The following PP2D1 variants were observed in gnomAD, a reference collection of about 807,000 sequenced individuals.
PP2D1 encodes the protein protein phosphatase 2C like domain containing 1.
PP2D1 carries 25 observed loss-of-function variants against 30.2 expected under a neutral mutation model. The observed-to-expected ratio is 0.83, with a 90% confidence interval of 0.60 to 1.16. The LOEUF (loss-of-function observed/expected upper bound fraction) is 1.16. Among genes scored for constraint, PP2D1 ranks in the 50% most tolerant of loss-of-function variants. The probability of loss-of-function intolerance (pLI) is 0.00; values close to 1 mark genes in which losing one functional copy is unlikely to be tolerated. For synonymous variants in PP2D1, 260 were observed against 258.9 expected, an observed-to-expected ratio of 1.00 and a Z score of -0.04; for missense variants, 760 against 742.4, an observed-to-expected ratio of 1.02 and a Z score of -0.28.
intron 2 of PP2D1, among the ~76,000 whole-genome samples, chr3:19,986,671 G>A (rs918595371): frequency 1.3e-5 from 2 of 152,170 alleles, no homozygotes; most frequent in African/African-American, 2.4e-5. Flanking sequence ...GGTCATGGGT[G>A]ATGAAAAAAT....
Position 19,986,114 on chromosome 3 carries a change from TTCGTGTAGTATG to T in PP2D1, c.1147_1158del (p.His383_Arg386del), listed in dbSNP as rs1255363861. 1.3e-6 allele frequency: 2 copies of T among 1,535,822 alleles called. No individual in the cohort carries two copies. The highest frequency in any genetic ancestry group is 2.7e-5 in the African/African-American group (2 of 73,058). On this transcript the variant is annotated inframe_deletion, in exon 3 of 3. Coordinates refer to ENST00000389050, the MANE Select transcript of PP2D1 (RefSeq NM_001252657.2). ...AGTATTCTTCTTCTTTCATTTGTGTTTCGTGTAGTATGTTCTTTGGTTAGGCAAAAACCTTTC... is the reference window on the plus strand; with the variant it reads ...AGTATTCTTCTTCTTTCATTTGTGTTTTCTTTGGTTAGGCAAAAACCTTTC...
At chr3:19,985,122 TGTTTA>T (rs1697008316), downstream of PP2D1, 1 of 359,658 alleles carries the variant, frequency 2.8e-6, no homozygotes, top group Admixed American at 4.3e-5. Flanking sequence ...GGTTCACCAG[TGTTTA>T]GTTTTATATT....
chr3:20,003,197 A>G (rs1255728464), intron 1 of PP2D1, among the ~76,000 whole-genome samples: 1 of 152,242 alleles, frequency 6.6e-6, no homozygotes, highest in Admixed American at 6.5e-5. Flanking sequence ...TTATATTAAA[A>G]AAAAAATTAA....
At chr3:20,009,674 C>T (rs146072974) in intron 1 of PP2D1, among the ~76,000 whole-genome samples, 12 of 152,126 alleles carry the variant, frequency 7.9e-5, no homozygotes, top group East Asian at 3.9e-4. Context: ...CTATGATAAA[C>T]GATAAATAAT....
At chr3:20,011,464 A>ATGTT in intron 1 of PP2D1, among the ~76,000 whole-genome samples, 1 of 152,138 alleles carries the variant, frequency 6.6e-6, no homozygotes, top group Non-Finnish European at 1.5e-5. Flanking sequence ...GGCCATTCTT[A>ATGTT]GAATGTATTG....
chr3:19,999,339 A>G (rs566888761), intron 2 of PP2D1, among the ~76,000 whole-genome samples: 1 of 151,672 alleles, frequency 6.6e-6, no homozygotes, highest in Non-Finnish European at 1.5e-5. Context: ...TGGCCTCCCA[A>G]AATGCTGGTT....
intron 1 of PP2D1, among the ~76,000 whole-genome samples, chr3:20,010,620 A>C (rs1697373399): frequency 6.6e-6 from 1 of 151,820 alleles, no homozygotes; most frequent in South Asian, 2.1e-4. Context: ...TGACCGACAT[A>C]GAGAAACCCC....
chr3:20,005,788 C>T (rs1336068400), intron 1 of PP2D1, among the ~76,000 whole-genome samples: 1 of 152,032 alleles, frequency 6.6e-6, no homozygotes, highest in Non-Finnish European at 1.5e-5. Flanking sequence ...CAGAAGGATA[C>T]AAAGTAGAAA....
At position 19,985,495 on chromosome 3, in the gene PP2D1, G is replaced by A; in HGVS notation, c.1778C>T (p.Ala593Val). Reference protein sequence around the residue: ...ESDTKSFYEGAAEYVSHELVN... With the variant: ...ESDTKSFYEGVAEYVSHELVN... ...AAGTTCATGGCTAACATACTCAGCTGCGCCTTCATAGAAACTCTTAGTGTC... is the reference window on the plus strand; with the variant it reads ...AAGTTCATGGCTAACATACTCAGCTACGCCTTCATAGAAACTCTTAGTGTC... The change falls in exon 3 of 3, where the codon GCA (alanine) becomes GTA (valine). Residue 593 changes from alanine to valine, a missense_variant. Ala to Val is a moderately conservative substitution (Grantham distance 64). This residue lies in a region of PP2D1 where 369 missense variants were observed against 316.2 expected (regional missense o/e 1.17). Coordinates refer to ENST00000389050, the MANE Select transcript of PP2D1 (RefSeq NM_001252657.2). 6.5e-7 allele frequency: 1 copy of A among 1,536,064 alleles called. No homozygotes were observed. Among genetic ancestry groups the A allele is most frequent in the East Asian group, 2.4e-5 (1 of 40,904 alleles).
At chr3:19,997,137 C>T (rs1486960256) in intron 2 of PP2D1, among the ~76,000 whole-genome samples, 1 of 148,914 alleles carries the variant, frequency 6.7e-6, no homozygotes, top group Non-Finnish European at 1.5e-5. Flanking sequence ...ATTTTATCAA[C>T]AATGCTGGAG....
chr3:19,999,148 C>T (rs1217502098), intron 2 of PP2D1, among the ~76,000 whole-genome samples: 1 of 148,104 alleles, frequency 6.8e-6, no homozygotes, highest in African/African-American at 2.5e-5. Flanking sequence ...GGCATGATCT[C>T]AGCTCACTGC....
rs1697028278 is a variant in PP2D1 at position 19,986,037 on chromosome 3, C to T, written c.1236G>A (p.Gly412=). ...SSNEPYGLVE[G]QVKTTRGLGF... is the part of the protein sequence containing the mutation. ...CAAGTCCTCGTGTAGTTTTTACTTG[C>T]CCCTCTACAAGCCCGTATGGTTCAT... Residue 412 remains glycine, a synonymous_variant, in exon 3 of 3, where the codon GGG becomes GGA. Transcript: ENST00000389050. The T allele has an allele frequency of 1.3e-6, 2 of 1,536,056 alleles. No individual in the cohort carries two copies. The highest frequency in any genetic ancestry group is 1.4e-5 in the African/African-American group (1 of 73,164).
At position 20,001,188 on chromosome 3, in the gene PP2D1, C is replaced by G; in HGVS notation, c.932G>C (p.Gly311Ala). 6.6e-7 allele frequency: 1 copy of G among 1,514,570 alleles called. No homozygotes were observed. The highest frequency in any genetic ancestry group is 8.8e-7 in the Non-Finnish European group (1 of 1,138,256). 93.8% of individuals were successfully genotyped at this position (1,514,570 alleles called of 1,614,324 possible). The part of the protein sequence containing the change: ...RKEVSRVQWS[G>A]CSAVTCILEG... ...CAATATACAAGTAACTGCAGAGCAG[C>G]CACTCCATTGAACCCTGGACACTTC... Residue 311 changes from glycine to alanine, a missense_variant, in exon 2 of 3, where the codon GGC (glycine) becomes GCC (alanine). This residue lies in a region of PP2D1 where 374 missense variants were observed against 388.8 expected (regional missense o/e 0.96). Transcript: ENST00000389050.
intron 2 of PP2D1, among the ~76,000 whole-genome samples, chr3:19,995,577 C>T (rs1697170036): frequency 6.6e-6 from 1 of 152,142 alleles, no homozygotes; most frequent in Non-Finnish European, 1.5e-5. Flanking sequence ...TTACAGCAGC[C>T]TTAGGAAACT....
intron 2 of PP2D1, among the ~76,000 whole-genome samples, chr3:19,989,696 A>G (rs1043121178): frequency 6.6e-5 from 10 of 152,250 alleles, no homozygotes; most frequent in African/African-American, 9.6e-5. Context: ...CATATGGTTC[A>G]GTACCTCTTA....
chr3:19,995,218 C>CA (rs898157375), intron 2 of PP2D1, among the ~76,000 whole-genome samples: 44 of 147,852 alleles, frequency 3.0e-4, no homozygotes, highest in South Asian at 1.1e-3. Flanking sequence ...TTCTTATTGG[C>CA]AAAAAAAAAA....
intron 2 of PP2D1, among the ~76,000 whole-genome samples, chr3:19,998,408 T>C (rs1697210149): frequency 6.6e-6 from 1 of 151,918 alleles, no homozygotes; most frequent in Non-Finnish European, 1.5e-5. Flanking sequence ...AGGGTGACTA[T>C]AGTTAACAAT....
chr3:19,986,370 G>A (rs1346189824), intron 2 of PP2D1, among the ~76,000 whole-genome samples, 188 bp from the exon 3 acceptor site: 2 of 152,152 alleles, frequency 1.3e-5, no homozygotes, highest in South Asian at 2.1e-4. Context: ...ATTTCAAACA[G>A]GTCAATTTAT....
chr3:20,001,483 C>T lies in PP2D1; in HGVS notation c.637G>A (p.Ala213Thr). ...ATTGATGTCAACTCTGCCGCTGAGG[C>T]ACCGTGATGTCCATCAAACAAACCA... ...FFGLFDGHHGASAAELTSMEL... is the reference protein window; with the variant it reads ...FFGLFDGHHGTSAAELTSMEL... Residue 213 changes from alanine to threonine, a missense_variant, in exon 2 of 3, where the codon GCC (alanine) becomes ACC (threonine). Ala to Thr is a moderately conservative substitution (Grantham distance 58). Coordinates refer to ENST00000389050, the MANE Select transcript of PP2D1 (RefSeq NM_001252657.2). 1 of 1,536,272 alleles carries T rather than the reference C, an allele frequency of 6.5e-7. No homozygotes were observed.
Sources: allele counts gnomAD v4.1 joint callset (sites outside exome capture counted in the v4.1 genomes callset), GRCh38; gene constraint gnomAD v4.1.1; regional missense constraint gnomAD v4.1.1; transcripts MANE v1.5; gene names NCBI Gene and HGNC (gene_info 2026-07-23, HGNC 2026-07-21).